COL25A1: variants seen among roughly 807,000 people sequenced by gnomAD.
COL25A1 encodes collagen type XXV alpha 1 chain.
Under a neutral mutation model 128.4 loss-of-function variants are expected in COL25A1, and 103 were observed. The observed-to-expected ratio is 0.80, with a 90% CI of 0.68 to 0.94. The LOEUF is 0.94. Ranked by LOEUF, COL25A1 falls within the 40% of genes least tolerant of loss-of-function variation. The pLI is 0.00. For synonymous variants in COL25A1, 279 were observed against 277.2 expected (o/e 1.01, Z -0.06); for missense variants, 745 against 840.0 (o/e 0.89, Z 1.40).
intron 24 of COL25A1, among the ~76,000 whole-genome samples, chr4:108,859,381 T>A (rs936764122): frequency 6.6e-6 from 1 of 152,124 alleles, no homozygotes; most frequent in Non-Finnish European, 1.5e-5. Flanking sequence ...GAGGCAAAAA[T>A]TGGCCAAACT....
intron 13 of COL25A1, among the ~76,000 whole-genome samples, chr4:108,912,920 T>C (rs1744404493): frequency 1.3e-5 from 2 of 152,176 alleles, no homozygotes; most frequent in Non-Finnish European, 2.9e-5. Flanking sequence ...AATTAAAATT[T>C]AATGTTACTT....
intron 3 of COL25A1, among the ~76,000 whole-genome samples, chr4:109,258,152 G>C (rs1188248412): frequency 1.3e-5 from 2 of 152,012 alleles, no homozygotes; most frequent in Non-Finnish European, 2.9e-5. Context: ...AAATGTACTG[G>C]CTTGGTCTCC....
Position 108,940,848 on chromosome 4 carries a change from C to G in COL25A1, c.565-202G>C, listed in dbSNP as rs529588541. Among the ~76,000 whole-genome samples, 6 of 152,328 alleles carry G rather than the reference C, an allele frequency of 3.9e-5. No homozygotes were observed. The South Asian group carries it at 1.2e-3, about 32-fold the overall frequency. ...TTCATGCTGGGTGACTGAGTAGATG[C>G]TATTAAAATCAAAGCAGTTCAGGAA... On this transcript the variant is annotated intron_variant, in intron 9 of 37. Coordinates refer to ENST00000399132, the MANE Select transcript of COL25A1 (RefSeq NM_198721.4).
At chr4:108,912,918 T>C (rs971925618) in intron 13 of COL25A1, among the ~76,000 whole-genome samples, 8 of 152,304 alleles carry the variant, frequency 5.3e-5, no homozygotes, top group Admixed American at 2.6e-4. Flanking sequence ...CTAATTAAAA[T>C]TTAATGTTAC....
At chr4:109,060,740 T>A (rs1213245181) in intron 3 of COL25A1, among the ~76,000 whole-genome samples, 1 of 151,896 alleles carries the variant, frequency 6.6e-6, no homozygotes, top group Non-Finnish European at 1.5e-5. Flanking sequence ...AGTTCATGGC[T>A]TTCAGAATTT....
chr4:109,241,756 T>G (rs1779908281), intron 3 of COL25A1, among the ~76,000 whole-genome samples: 1 of 152,074 alleles, frequency 6.6e-6, no homozygotes, highest in Non-Finnish European at 1.5e-5. Flanking sequence ...CAAGTAGTTT[T>G]TAATTTACAA....
At chr4:108,837,259 A>C (rs1040672069) in intron 31 of COL25A1, among the ~76,000 whole-genome samples, 1 of 152,116 alleles carries the variant, frequency 6.6e-6, no homozygotes, top group African/African-American at 2.4e-5. Flanking sequence ...TTTTCCTCCC[A>C]CATTTCAAAT....
At chr4:109,145,258 G>A (rs141659941) in intron 3 of COL25A1, among the ~76,000 whole-genome samples, 9,993 of 151,788 alleles carry the variant, frequency 0.066, 597 homozygotes, top group African/African-American at 0.16. Flanking sequence ...TAGTAGAGAC[G>A]GGGTTTCACT....
At chr4:109,060,924 T>C (rs998241780) in intron 3 of COL25A1, among the ~76,000 whole-genome samples, 2 of 152,164 alleles carry the variant, frequency 1.3e-5, no homozygotes, top group Non-Finnish European at 2.9e-5. Context: ...TTTGGGTCCA[T>C]ACTTTTCAAC....
intron 6 of COL25A1, among the ~76,000 whole-genome samples, chr4:108,981,959 G>T (rs571808407): frequency 2.6e-5 from 4 of 152,148 alleles, no homozygotes; most frequent in African/African-American, 9.7e-5. Context: ...ACTTTAGGAG[G>T]CTGAGGCAGG....
At chr4:108,873,631 T>A (rs574057275) in intron 19 of COL25A1, among the ~76,000 whole-genome samples, 3 of 151,984 alleles carry the variant, frequency 2.0e-5, no homozygotes, top group Non-Finnish European at 4.4e-5. Flanking sequence ...ATTGGTAATA[T>A]ACAAAGTGTC....
intron 3 of COL25A1, among the ~76,000 whole-genome samples, chr4:109,177,502 C>T (rs927826153): frequency 2.0e-5 from 3 of 152,200 alleles, no homozygotes; most frequent in South Asian, 4.1e-4. Context: ...AACCAGCCCC[C>T]ACCCCAGACC....
intron 3 of COL25A1, among the ~76,000 whole-genome samples, chr4:109,074,624 A>G (rs1763242136): frequency 1.3e-5 from 2 of 152,198 alleles, no homozygotes; most frequent in South Asian, 2.1e-4. Context: ...GATGTGACTT[A>G]GTTTAAGTAA....
At chr4:108,973,140 T>C (rs1752088119) in intron 8 of COL25A1, among the ~76,000 whole-genome samples, 1 of 152,206 alleles carries the variant, frequency 6.6e-6, no homozygotes, top group Non-Finnish European at 1.5e-5. Context: ...AGGAGACATG[T>C]CATGTGAAAT....
intron 12 of COL25A1, among the ~76,000 whole-genome samples, chr4:108,918,913 G>A (rs1745172161): frequency 6.6e-6 from 1 of 152,240 alleles, no homozygotes; most frequent in African/African-American, 2.4e-5. Context: ...GTGAGCTGGA[G>A]AATAAGAAAG....
In COL25A1 at chr4:108,844,416, T is replaced by C. The variant is rs1002488033; in HGVS notation, c.1629+103A>G. 57 of 1,585,796 alleles carry C rather than the reference T, an allele frequency of 3.6e-5. No individual in the cohort carries two copies. In the Admixed American group the frequency reaches 9.2e-4, roughly 25 times the overall value. On this transcript the variant is annotated intron_variant, in intron 30 of 37. Coordinates refer to ENST00000399132, the MANE Select transcript of COL25A1 (RefSeq NM_198721.4). ...TATTTTCCATCCATTCCACAGAGAG[T>C]AGTACAAAATACAAGCTGGCTGTTT... is the stretch of plus-strand genomic sequence containing the variant.
At chr4:108,941,681 C>A (rs571345515) in intron 8 of COL25A1, among the ~76,000 whole-genome samples, 4 of 152,280 alleles carry the variant, frequency 2.6e-5, no homozygotes, top group South Asian at 4.2e-4. Flanking sequence ...TGTGCCTCAT[C>A]ATTTCACTGT....
intron 32 of COL25A1, among the ~76,000 whole-genome samples, chr4:108,827,406 T>C (rs1732525905): frequency 6.6e-6 from 1 of 152,258 alleles, no homozygotes; most frequent in Admixed American, 6.5e-5. Context: ...ACAAGATTGC[T>C]GCTGGCCAGC....
At chr4:108,835,753 A>T (rs1733708877) in intron 31 of COL25A1, among the ~76,000 whole-genome samples, 1 of 148,980 alleles carries the variant, frequency 6.7e-6, no homozygotes, top group Non-Finnish European at 1.5e-5. Context: ...GGGTTTCATC[A>T]TGTTGGCCAG....
Sources: gnomAD v4.1 joint callset for allele counts (sites outside exome capture counted in the v4.1 genomes callset) on GRCh38, gnomAD v4.1.1 for gene constraint, MANE v1.5 for transcripts, NCBI Gene and HGNC (gene_info 2026-07-23, HGNC 2026-07-21) for gene names.